TANC2: variants seen among roughly 807,000 people sequenced by gnomAD.
The protein encoded by TANC2 is protein TANC2.
In TANC2, 26 loss-of-function variants were observed where a neutral mutation model predicts 210.5. The observed-to-expected ratio is 0.12, with a 90% CI of 0.09 to 0.17. The LOEUF is 0.17. Among genes scored for constraint, TANC2 ranks in the 10% least tolerant of loss-of-function variants. TANC2 has a pLI of 1.00. For synonymous variants in TANC2, 931 were observed against 967.1 expected (o/e 0.96, Z 0.69); for missense variants, 2,129 against 2,608.9 (o/e 0.82, Z 4.01).
intron 6 of TANC2, among the ~76,000 whole-genome samples, chr17:63,195,822 C>A (rs541311825): frequency 2.0e-5 from 3 of 152,262 alleles, no homozygotes; most frequent in East Asian, 3.9e-4. Context: ...AATCTAAAAT[C>A]TTTACTGTGG....
At chr17:63,369,136 A>G (rs2047192005) in intron 14 of TANC2, among the ~76,000 whole-genome samples, 1 of 152,148 alleles carries the variant, frequency 6.6e-6, no homozygotes, top group Admixed American at 6.5e-5. Flanking sequence ...TGTCCTAAAC[A>G]ATGATTATCT....
chr17:63,413,342 T>C (rs138122352), intron 24 of TANC2: 11 of 491,770 alleles, frequency 2.2e-5, no homozygotes, highest in Admixed American at 3.7e-5. Context: ...AGTATTCTTA[T>C]TTTAAGGTGA....
chr17:63,158,854 C>G (rs2039928485), intron 5 of TANC2, among the ~76,000 whole-genome samples: 1 of 152,198 alleles, frequency 6.6e-6, no homozygotes, highest in African/African-American at 2.4e-5. Context: ...CTGTAGTCAT[C>G]TTGAAGCTCA....
In TANC2 at chr17:63,236,603, T is replaced by G. The variant is rs149552979; in HGVS notation, c.770-1211T>G. Reference sequence around the variant, plus strand: ...TTTTTTAGGATATTCATCACCCAAATAATGTACATTGAACCCACTAAGTAA... The same window carrying G: ...TTTTTTAGGATATTCATCACCCAAAGAATGTACATTGAACCCACTAAGTAA... On this transcript the variant is annotated intron_variant, in intron 7 of 27. Coordinates refer to ENST00000689528, the Ensembl canonical transcript of TANC2. Among the ~76,000 whole-genome samples, 511 of 152,164 alleles carry G rather than the reference T, an allele frequency of 3.4e-3. 1 individual carries two copies. Among genetic ancestry groups the G allele is most frequent in the Non-Finnish European group, 6.1e-3 (416 of 67,948 alleles).
chr17:63,367,619 A>G (rs969641904), intron 14 of TANC2, among the ~76,000 whole-genome samples: 1 of 152,198 alleles, frequency 6.6e-6, no homozygotes, highest in African/African-American at 2.4e-5. Context: ...AGGTAACATT[A>G]AAGTTCAGCC....
chr17:63,238,664 A>G (rs1048745366), intron 8 of TANC2, among the ~76,000 whole-genome samples: 1 of 152,194 alleles, frequency 6.6e-6, no homozygotes, highest in Non-Finnish European at 1.5e-5. Context: ...GTTAAAAAAA[A>G]TTGTATTAGT....
intron 11 of TANC2, among the ~76,000 whole-genome samples, chr17:63,339,317 G>A (rs954796981): frequency 5.9e-5 from 9 of 152,124 alleles, no homozygotes; most frequent in East Asian, 3.9e-4. Context: ...AATCCCCTTT[G>A]TACTTGCCGT....
chr17:63,042,797 A>G (rs1025294384), intron 2 of TANC2, among the ~76,000 whole-genome samples: 3 of 152,086 alleles, frequency 2.0e-5, no homozygotes, highest in Admixed American at 6.6e-5. Context: ...TTAACAGTGA[A>G]GAATTTGTTA....
chr17:63,375,933 C>T lies in TANC2; in HGVS notation c.2583-3785C>T, dbSNP rs912172466. ...TGAAACCCCATCTCTACTAAAAATA[C>T]AAAAAATTAGCTGGGCATGGTGGCA... On this transcript the variant is annotated intron_variant, in intron 14 of 27. Transcript: ENST00000689528. Among the ~76,000 whole-genome samples the T allele has an allele frequency of 3.3e-5, 5 of 151,230 alleles. No homozygotes were observed. The East Asian group carries it at 9.8e-4, about 30-fold the overall frequency.
chr17:63,306,013 C>T (rs1003037128), intron 9 of TANC2, among the ~76,000 whole-genome samples: 18 of 152,190 alleles, frequency 1.2e-4, no homozygotes, highest in African/African-American at 4.1e-4. Context: ...TTTGATACAG[C>T]AGAAAACTGC....
chr17:63,267,870 A>G, exon 9 of TANC2: 1 of 1,610,638 alleles, frequency 6.2e-7, no homozygotes. Context: ...GCAGGATTTA[A>G]GAGGTTAGAA....
At chr17:63,040,783 A>G (rs2035156300) in intron 2 of TANC2, among the ~76,000 whole-genome samples, 1 of 152,196 alleles carries the variant, frequency 6.6e-6, no homozygotes, top group Admixed American at 6.5e-5. Context: ...AAGTATTCTG[A>G]TCATATAGCT....
intron 9 of TANC2, among the ~76,000 whole-genome samples, chr17:63,276,761 T>C (rs1306088637): frequency 1.3e-5 from 2 of 152,146 alleles, no homozygotes; most frequent in Non-Finnish European, 2.9e-5. Flanking sequence ...GAGACACTCT[T>C]CAAAAGGTGT....
chr17:63,314,836 C>T (rs550430963), intron 10 of TANC2, among the ~76,000 whole-genome samples, 167 bp downstream of exon 10: 129 of 152,324 alleles, frequency 8.5e-4, no homozygotes, highest in African/African-American at 3.1e-3. Context: ...CTATTTACAT[C>T]TAACCCACAT....
chr17:63,262,403 G>A (rs898322629), intron 8 of TANC2, among the ~76,000 whole-genome samples: 2 of 152,232 alleles, frequency 1.3e-5, no homozygotes, highest in East Asian at 1.9e-4. Flanking sequence ...TGCCCCGGCT[G>A]GTCTTAAAAG....
intron 18 of TANC2, among the ~76,000 whole-genome samples, chr17:63,397,395 G>T (rs1205132340): frequency 6.6e-6 from 1 of 152,180 alleles, no homozygotes; most frequent in Non-Finnish European, 1.5e-5. Flanking sequence ...CTAAACTGTG[G>T]TTGTAACTTA....
intron 15 of TANC2, 77 bp from the exon 16 acceptor site, chr17:63,388,556 CAA>C: frequency 6.9e-7 from 1 of 1,449,684 alleles, no homozygotes; most frequent in Admixed American, 2.2e-5. Context: ...GTACCAAAAA[CAA>C]AGAGGCCACT....
At chr17:63,340,426 C>A (rs1460991014) in intron 12 of TANC2, 94 bp downstream of exon 12, 2 of 1,046,114 alleles carry the variant, frequency 1.9e-6, no homozygotes, top group Non-Finnish European at 2.8e-6. Context: ...TATCACATTG[C>A]CAAAACTAAA....
chr17:63,155,318 G>A (rs1310711771), intron 5 of TANC2: 1 of 151,960 alleles, frequency 6.6e-6, no homozygotes, highest in African/African-American at 2.4e-5. Context: ...AAATAAACAA[G>A]ACATTAGCAC....
Sources: gnomAD v4.1 joint callset for allele counts (sites outside exome capture counted in the v4.1 genomes callset) on GRCh38, gnomAD v4.1.1 for gene constraint, MANE v1.5 for transcripts, NCBI Gene and HGNC (gene_info 2026-07-23, HGNC 2026-07-21) for gene names.